HGS: variants seen among roughly 807,000 people sequenced by gnomAD.
The protein encoded by HGS is human growth factor-regulated tyrosine kinase substrate.
In HGS, 63 loss-of-function variants were observed where a neutral mutation model predicts 109.7. The ratio of observed to expected loss-of-function variants is 0.57; its 90% confidence interval spans 0.47 to 0.71. HGS has a LOEUF of 0.71. Ranked by LOEUF, HGS falls within the 30% of genes least tolerant of loss-of-function variation. The probability of loss-of-function intolerance (pLI) is 0.00; values close to 1 mark genes in which losing one functional copy is unlikely to be tolerated. For missense variants in HGS, 995 were observed against 1,068.3 expected (o/e 0.93, Z 0.96); for synonymous variants, 546 against 437.3 (o/e 1.25, Z -3.10).
intron 2 of HGS, 46 bp from the exon 3 acceptor site, chr17:81,686,266 A>G (rs562679206): frequency 9.8e-6 from 15 of 1,524,600 alleles, no homozygotes; most frequent in African/African-American, 5.5e-5. Flanking sequence ...TGCTGAGACT[A>G]TTTTTTTCCC....
At position 81,694,917 on chromosome 17, in the gene HGS, C is replaced by A; in HGVS notation, c.976-7C>A. ...GGCCTTGGGAGTGACCCCCTCATTG[C>A]CTGCAGCTCGCACGGTATCTCAACC... On this transcript the variant is annotated splice_region_variant and splice_polypyrimidine_tract_variant and intron_variant, in intron 12 of 21. Transcript: ENST00000329138. The A allele has an allele frequency of 6.2e-7, 1 of 1,614,232 alleles. No individual in the cohort carries two copies.
chr17:81,700,423 C>T (rs747785158), intron 18 of HGS, 44 bp from the exon 19 acceptor site: 4 of 1,498,302 alleles, frequency 2.7e-6, no homozygotes, highest in South Asian at 2.7e-5. Flanking sequence ...CCTCTCCTCC[C>T]TGTTGCCCTG....
rs978370797 is a variant in HGS, at chr17:81,691,988, A to C, written c.662+417A>C. ...CGGTCGGTGTTTTGTCGCAGAGTTTACTCTGCCTCCCCTCTCCTGCGCGTG... is the reference window on the plus strand; with the variant it reads ...CGGTCGGTGTTTTGTCGCAGAGTTTCCTCTGCCTCCCCTCTCCTGCGCGTG... On this transcript the variant is annotated intron_variant, in intron 8 of 21. Transcript: ENST00000329138. This position sits in a 1 kb window ranked among gnomAD's most constrained non-coding sequence, Gnocchi z 5.3. 1 of 186,248 alleles carries C rather than the reference A, an allele frequency of 5.4e-6. No homozygotes were observed. The highest frequency in any genetic ancestry group is 1.1e-5 in the Non-Finnish European group (1 of 88,034). The allele number at this position is 186,248 out of a possible 1,614,324, so 11.5% of individuals were successfully genotyped here. A position where few individuals can be genotyped will look rare whatever the true frequency, so the allele number is the denominator to read the frequency against.
intron 1 of HGS, 114 bp from the exon 2 acceptor site, chr17:81,685,491 G>T (rs1286991079): frequency 4.7e-6 from 3 of 641,738 alleles, no homozygotes; most frequent in Non-Finnish European, 8.1e-6. Context: ...TTTTCATTTG[G>T]TCCAAATGTC....
At chr17:81,696,555 C>T (rs755850891) in intron 16 of HGS, 26 bp downstream of exon 16, 31 of 1,546,536 alleles carry the variant, frequency 2.0e-5, no homozygotes, top group African/African-American at 9.5e-5. Flanking sequence ...AGCCACAGGC[C>T]GGGGCCGGCT....
chr17:81,691,266 C>G lies in HGS; in HGVS notation c.538-181C>G, dbSNP rs1158802474. ...CCCAAAACGGTGGCTGGCGTTGAGA[C>G]TCCCGGGAGCATGTCCAGGTTCCCC... On this transcript the variant is annotated intron_variant, in intron 7 of 21. Transcript: ENST00000329138. This position sits in a 1 kb window ranked among gnomAD's most constrained non-coding sequence, Gnocchi z 5.3. 1 of 690,212 alleles carries G rather than the reference C, an allele frequency of 1.4e-6. No homozygotes were observed. Among genetic ancestry groups the G allele is most frequent in the African/African-American group, 1.8e-5 (1 of 56,094 alleles). The allele number at this position is 690,212 out of a possible 1,614,324, so 42.8% of individuals were successfully genotyped here. A position where few individuals can be genotyped will look rare whatever the true frequency, so the allele number is the denominator to read the frequency against.
Position 81,700,578 on chromosome 17 carries a change from C to G in HGS, c.1994C>G (p.Pro665Arg), listed in dbSNP as rs1226324152. 6.2e-7 allele frequency: 1 copy of G among 1,608,746 alleles called. No individual in the cohort carries two copies. Among genetic ancestry groups the G allele is most frequent in the East Asian group, 2.2e-5 (1 of 44,862 alleles). Reference sequence around the variant, plus strand: ...AGCCCCGCTTACTCATCCTACCAGCCTACTCCCACAGCGGGCTACCAGGTA... The same window carrying G: ...AGCCCCGCTTACTCATCCTACCAGCGTACTCCCACAGCGGGCTACCAGGTA... ...TASPAYSSYQ[P>R]TPTAGYQNVA... The change falls in exon 19 of 22, where the codon CCT (proline) becomes CGT (arginine). Residue 665 changes from proline to arginine, a missense_variant. By Grantham distance (103) the Pro-to-Arg change is moderately radical (BLOSUM62 -2). Coordinates refer to ENST00000329138, the MANE Select transcript of HGS (RefSeq NM_004712.5).
chr17:81,689,859 G>A (rs2037037540), intron 5 of HGS, among the ~76,000 whole-genome samples: 2 of 152,204 alleles, frequency 1.3e-5, no homozygotes, highest in Admixed American at 6.5e-5. Context: ...CTCAGGATCA[G>A]TGGGAGCCCT....
intron 18 of HGS, among the ~76,000 whole-genome samples, chr17:81,699,842 A>G (rs1439929551): frequency 6.6e-6 from 1 of 151,928 alleles, no homozygotes; most frequent in East Asian, 1.9e-4. Flanking sequence ...CGGGAGGCCG[A>G]GGCGGGTGGA....
rs2037069114 is a variant in HGS, at chr17:81,691,921, C to T, written c.662+350C>T. ...AGAAGCTGCGGGGCCGCGGCCAGTG[C>T]CTCAGCGGTGGGAACCTGCGGGGCC... On this transcript the variant is annotated intron_variant, in intron 8 of 21. Transcript: ENST00000329138. The surrounding 1 kb of genome is among the most constrained non-coding windows in gnomAD (Gnocchi z 5.3). 2 of 206,188 alleles carry T rather than the reference C, an allele frequency of 9.7e-6. No individual in the cohort carries two copies. The highest frequency in any genetic ancestry group is 9.5e-5 in the South Asian group (1 of 10,474). The allele number at this position is 206,188 out of a possible 1,614,324, so 12.8% of individuals were successfully genotyped here. A position where few individuals can be genotyped will look rare whatever the true frequency, so the allele number is the denominator to read the frequency against.
intron 3 of HGS, 86 bp downstream of exon 3, chr17:81,686,473 C>T (rs2036981579): frequency 3.2e-6 from 3 of 940,650 alleles, no homozygotes; most frequent in Non-Finnish European, 5.1e-6. Context: ...GTCCTGTGGC[C>T]TTGCCCACCT....
At chr17:81,699,470 G>T (rs2037200703) in intron 18 of HGS, among the ~76,000 whole-genome samples, 1 of 152,232 alleles carries the variant, frequency 6.6e-6, no homozygotes, top group Non-Finnish European at 1.5e-5. Context: ...CTGTCGCCCA[G>T]GCTGGAGTGC....
chr17:81,688,252 A>G (rs907740440), intron 4 of HGS, among the ~76,000 whole-genome samples: 2 of 151,900 alleles, frequency 1.3e-5, no homozygotes, highest in African/African-American at 4.8e-5. Flanking sequence ...CCCGCTCTGA[A>G]TTTGGAGGCA....
Position 81,696,108 on chromosome 17 carries a change from T to C in HGS, c.1393+109T>C, listed in dbSNP as rs980133758. ...TGCTGAGCTCTTGTGAGTCCTTCATTGGGGCCGTGGCTTCCTCCAGAGAGT... is the reference window on the plus strand; with the variant it reads ...TGCTGAGCTCTTGTGAGTCCTTCATCGGGGCCGTGGCTTCCTCCAGAGAGT... On this transcript the variant is annotated intron_variant, in intron 15 of 21. Coordinates refer to ENST00000329138, the MANE Select transcript of HGS (RefSeq NM_004712.5). 14 of 1,033,256 alleles carry C rather than the reference T, an allele frequency of 1.4e-5. No individual in the cohort carries two copies. The African/African-American group carries it at 2.1e-4, about 16-fold the overall frequency. The allele number at this position is 1,033,256 out of a possible 1,614,324, so 64.0% of individuals were successfully genotyped here. A position where few individuals can be genotyped will look rare whatever the true frequency, so the allele number is the denominator to read the frequency against.
chr17:81,685,306 G>A (rs532516670), intron 1 of HGS, among the ~76,000 whole-genome samples: 1 of 152,354 alleles, frequency 6.6e-6, no homozygotes, highest in African/African-American at 2.4e-5. Context: ...TGTCTCTGGT[G>A]AGCTGTGTGA....
intron 1 of HGS, 102 bp downstream of exon 1, chr17:81,684,205 G>A: frequency 9.5e-7 from 1 of 1,057,558 alleles, no homozygotes; most frequent in Non-Finnish European, 1.2e-6. Flanking sequence ...CGGACCGGCC[G>A]CCCTGCCCGC....
rs1409020328 is a variant in HGS at position 81,687,029 on chromosome 17, T to C, written c.225T>C (p.Cys75=). 1 of 1,613,202 alleles carries C rather than the reference T, an allele frequency of 6.2e-7. No homozygotes were observed. Among genetic ancestry groups the C allele is most frequent in the Non-Finnish European group, 8.5e-7 (1 of 1,179,928 alleles). ...TCATGGAATCTGTGGTAAAGAACTG[T>C]GGCCAGACAGTTCATGATGAGGTGG... is the stretch of plus-strand genomic sequence containing the variant. ...LEVMESVVKN[C]GQTVHDEVAN... The change falls in exon 4 of 22, where the codon TGT becomes TGC. Residue 75 remains cysteine (C), a synonymous_variant. Coordinates refer to ENST00000329138, the MANE Select transcript of HGS (RefSeq NM_004712.5).
intron 2 of HGS, 107 bp from the exon 3 acceptor site, chr17:81,686,205 A>C (rs967602016): frequency 1.2e-6 from 1 of 869,352 alleles, no homozygotes; most frequent in Non-Finnish European, 1.8e-6. Flanking sequence ...CACTGGGATT[A>C]CAGGCGTGAG....
intron 15 of HGS, 86 bp downstream of exon 15, chr17:81,696,085 C>A: frequency 1.6e-6 from 2 of 1,231,918 alleles, no homozygotes; most frequent in Non-Finnish European, 2.2e-6. Flanking sequence ...CCTGAGGGTG[C>A]TGAGCTCTTG....
Sources: gnomAD v4.1 joint callset for allele counts (sites outside exome capture counted in the v4.1 genomes callset) on GRCh38, gnomAD v4.1.1 for gene constraint, Gnocchi (gnomAD v3.1) non-coding constraint, MANE v1.5 for transcripts, NCBI Gene and HGNC (gene_info 2026-07-23, HGNC 2026-07-21) for gene names.